Variants in PCCA observed in about 807,000 individuals in gnomAD.
PCCA encodes propionyl-CoA carboxylase subunit alpha, also known as propionyl-CoA carboxylase alpha chain, mitochondrial.
PCCA carries 74 observed loss-of-function variants against 101.3 expected under a neutral mutation model. The observed-to-expected ratio is 0.73, with a 90% CI of 0.61 to 0.89. The LOEUF is 0.89. PCCA is among the 40% of genes least tolerant of loss of function. The pLI is 0.00. For missense variants in PCCA, 891 were observed against 907.0 expected, an observed-to-expected ratio of 0.98 and a Z score of 0.23; for synonymous variants, 294 against 313.6, an observed-to-expected ratio of 0.94 and a Z score of 0.66.
At position 100,394,831 on chromosome 13, in the gene PCCA, G is replaced by C. The variant is rs1252088705; in HGVS notation, c.1746+26257G>C. On this transcript the variant is annotated intron_variant, in intron 19 of 23. Coordinates refer to ENST00000376285, the MANE Select transcript of PCCA (RefSeq NM_000282.4). This position sits in a 1 kb window ranked among gnomAD's most constrained non-coding sequence, Gnocchi z 4.3. ...TAAACCTTCACATTTCATTAGAATA[G>C]CTACTTCAATTTACTCTGAAAAAAC... 3.3e-5 allele frequency among the ~76,000 whole-genome samples: 5 copies of C among 152,174 alleles called. No individual in the cohort carries two copies. Among genetic ancestry groups the C allele is most frequent in the East Asian group, 3.9e-4 (2 of 5,178 alleles).
intron 19 of PCCA, among the ~76,000 whole-genome samples, chr13:100,396,266 G>C (rs1253633176): frequency 6.6e-6 from 1 of 152,114 alleles, no homozygotes; most frequent in Non-Finnish European, 1.5e-5. Flanking sequence ...GAACCTGCTG[G>C]CTGTGGAATC....
At chr13:100,103,633 A>ATTAT (rs915323036) in intron 2 of PCCA, among the ~76,000 whole-genome samples, 11 of 148,378 alleles carry the variant, frequency 7.4e-5, no homozygotes, top group East Asian at 4.0e-4. Context: ...TAATATTTAT[A>ATTAT]TTATTTATTT....
intron 19 of PCCA, among the ~76,000 whole-genome samples, chr13:100,371,256 T>C (rs148192476): frequency 1.3e-5 from 2 of 152,300 alleles, no homozygotes; most frequent in African/African-American, 4.8e-5. Context: ...TGCAACAATA[T>C]ACATACTTAA....
intron 18 of PCCA, among the ~76,000 whole-genome samples, chr13:100,348,816 C>CT (rs200464283): frequency 1.5e-3 from 81 of 54,962 alleles, no homozygotes; most frequent in African/African-American, 3.2e-3. Context: ...TCCTTCCTTC[C>CT]TTTCTTTCTT....
At chr13:100,268,472 TCCTCAAA>T in intron 10 of PCCA, 5 of 607,748 alleles carry the variant, frequency 8.2e-6, no homozygotes, top group Admixed American at 7.8e-5. Flanking sequence ...GAACACTTTT[TCCTCAAA>T]TCTTTTTGAT....
chr13:100,503,217 G>A (rs573670361), intron 21 of PCCA, among the ~76,000 whole-genome samples: 2 of 152,358 alleles, frequency 1.3e-5, no homozygotes, highest in South Asian at 2.1e-4. Context: ...CTGGCCGGGC[G>A]CAGTGGCTCA....
intron 18 of PCCA, among the ~76,000 whole-genome samples, chr13:100,352,613 C>T (rs2073414000): frequency 1.3e-5 from 2 of 151,530 alleles, no homozygotes; most frequent in South Asian, 2.1e-4. Flanking sequence ...AGGCAAGTCT[C>T]GAACTCCTGG....
At chr13:100,466,712 G>T (rs1191374536) in intron 21 of PCCA, among the ~76,000 whole-genome samples, 1 of 152,130 alleles carries the variant, frequency 6.6e-6, no homozygotes, top group Non-Finnish European at 1.5e-5. Context: ...ACAAAAATTA[G>T]CTGGGTGTGG....
chr13:100,301,459 G>C lies in PCCA; in HGVS notation c.1066-1G>C, dbSNP rs983300151. 1 of 1,613,926 alleles carries C rather than the reference G, an allele frequency of 6.2e-7. No homozygotes were observed. The highest frequency in any genetic ancestry group is 1.3e-5 in the African/African-American group (1 of 74,896). On this transcript the variant is annotated splice_acceptor_variant, in intron 12 of 23. Transcript: ENST00000376285. LOFTEE classifies it high-confidence loss of function. ...CTGACTGGCAGACCTTGGCCTTGCA[G>C]GTTGAGCATCCTGTCACAGAATGCA...
chr13:100,526,804 C>T (rs1227013589), intron 22 of PCCA, among the ~76,000 whole-genome samples: 2 of 152,398 alleles, frequency 1.3e-5, no homozygotes, highest in Non-Finnish European at 1.5e-5. Flanking sequence ...AGGGAAGCCT[C>T]ACGCTTAACG....
chr13:100,095,907 G>A (rs759506480), intron 1 of PCCA, among the ~76,000 whole-genome samples: 3 of 152,160 alleles, frequency 2.0e-5, no homozygotes, highest in African/African-American at 4.8e-5. Context: ...TCTTAGTAGG[G>A]GTGGGAGTAG....
rs1405111539 is a variant in PCCA at position 100,469,453 on chromosome 13, C to T, written c.1899+20148C>T. ...TCATGCTTTGGAATTGCCAGATAAA[C>T]ATTCCTTGGCCTTTCTTGTACGTAT... On this transcript the variant is annotated intron_variant, in intron 21 of 23. Coordinates refer to ENST00000376285, the MANE Select transcript of PCCA (RefSeq NM_000282.4). 2.0e-5 allele frequency among the ~76,000 whole-genome samples: 3 copies of T among 152,172 alleles called. No individual in the cohort carries two copies. The East Asian group carries it at 5.8e-4, about 29-fold the overall frequency.
chr13:100,253,550 C>T (rs779722697), intron 8 of PCCA, among the ~76,000 whole-genome samples: 4 of 152,212 alleles, frequency 2.6e-5, no homozygotes, highest in South Asian at 2.1e-4. Flanking sequence ...TGCACTTAAA[C>T]CTGCCCTTGA....
At chr13:100,470,273 T>C (rs2082898300) in intron 21 of PCCA, among the ~76,000 whole-genome samples, 1 of 152,170 alleles carries the variant, frequency 6.6e-6, no homozygotes, top group Admixed American at 6.6e-5. Flanking sequence ...TTGGGGAATT[T>C]TTATCAAGTA....
intron 4 of PCCA, 76 bp from the exon 5 acceptor site, chr13:100,154,903 A>G (rs961775866): frequency 2.0e-6 from 2 of 977,132 alleles, no homozygotes; most frequent in Admixed American, 1.7e-5. Context: ...CAGATTTGCA[A>G]TTTTGTGTGT....
chr13:100,151,092 C>G, intron 4 of PCCA: 1 of 1,478,558 alleles, frequency 6.8e-7, no homozygotes, highest in Non-Finnish European at 9.4e-7. Context: ...TCGTATGCAC[C>G]CATCTTGGCT....
At chr13:100,170,701 G>A (rs968682882) in intron 6 of PCCA, among the ~76,000 whole-genome samples, 1 of 152,066 alleles carries the variant, frequency 6.6e-6, no homozygotes, top group South Asian at 2.1e-4. Context: ...ATAATGTGTT[G>A]TATTTCTTAA....
At chr13:100,122,231 T>TA (rs930889157) in intron 4 of PCCA, among the ~76,000 whole-genome samples, 42 of 152,316 alleles carry the variant, frequency 2.8e-4, no homozygotes, top group African/African-American at 9.4e-4. Context: ...TAATCCTTTG[T>TA]ATATATTGCT....
At chr13:100,232,395 T>A (rs2060550581) in intron 7 of PCCA, among the ~76,000 whole-genome samples, 1 of 149,782 alleles carries the variant, frequency 6.7e-6, no homozygotes. Context: ...TGTGTGTGGT[T>A]TTAGAGACGG....
Sources: allele counts gnomAD v4.1 joint callset (sites outside exome capture counted in the v4.1 genomes callset), GRCh38; gene constraint gnomAD v4.1.1; non-coding constraint Gnocchi (gnomAD v3.1); transcripts MANE v1.5; gene names NCBI Gene and HGNC (gene_info 2026-07-23, HGNC 2026-07-21).